Variants in LRRC4C observed in about 807,000 individuals in gnomAD.
LRRC4C encodes the protein leucine-rich repeat-containing protein 4C.
A neutral mutation model predicts 33.6 loss-of-function variants in LRRC4C; 5 were observed. The observed-to-expected ratio is 0.15, with a 90% CI of 0.08 to 0.31. The LOEUF is 0.31. LRRC4C is among the 10% of genes least tolerant of loss of function. The pLI is 1.00. For synonymous variants in LRRC4C, 329 were observed against 302.0 expected (o/e 1.09, Z -0.93); for missense variants, 560 against 796.7 (o/e 0.70, Z 3.58).
At chr11:40,733,136 C>A (rs1157192051) in intron 2 of LRRC4C, among the ~76,000 whole-genome samples, 1 of 116,672 alleles carries the variant, frequency 8.6e-6, no homozygotes, top group African/African-American at 3.3e-5. Flanking sequence ...AGTAGCGTGG[C>A]GAGATCTCGG....
chr11:40,161,235 T>C (rs963959572), intron 5 of LRRC4C, among the ~76,000 whole-genome samples: 2 of 152,198 alleles, frequency 1.3e-5, no homozygotes, highest in African/African-American at 2.4e-5. Flanking sequence ...AGAACCCCTC[T>C]CAAATATTAA....
chr11:40,688,556 A>G (rs548947831), intron 2 of LRRC4C, among the ~76,000 whole-genome samples: 52 of 152,232 alleles, frequency 3.4e-4, no homozygotes, highest in South Asian at 6.2e-4. Flanking sequence ...AGAGCAGGGC[A>G]TCAGATAAGG....
intron 3 of LRRC4C, among the ~76,000 whole-genome samples, chr11:40,645,683 C>T (rs1356026197): frequency 6.6e-6 from 1 of 152,176 alleles, no homozygotes; most frequent in Non-Finnish European, 1.5e-5. Context: ...GTGATTCCAG[C>T]TTTGCCTGTG....
At chr11:40,791,794 GA>G (rs1950631867) in intron 2 of LRRC4C, among the ~76,000 whole-genome samples, 1 of 152,072 alleles carries the variant, frequency 6.6e-6, no homozygotes, top group African/African-American at 2.4e-5. Context: ...ACAGAGAATG[GA>G]TCAGGTTCAG....
chr11:41,280,780 G>A (rs1323981235), intron 1 of LRRC4C, among the ~76,000 whole-genome samples: 1 of 152,014 alleles, frequency 6.6e-6, no homozygotes, highest in Non-Finnish European at 1.5e-5. Flanking sequence ...TTGAACTTGA[G>A]CATGAGAAAA....
intron 3 of LRRC4C, among the ~76,000 whole-genome samples, chr11:40,526,039 G>A (rs1038910212): frequency 5.9e-5 from 9 of 151,322 alleles, no homozygotes; most frequent in African/African-American, 2.2e-4. Context: ...CCATATGAAA[G>A]AAAACATTCC....
chr11:41,110,547 C>T (rs1479262343), intron 1 of LRRC4C, among the ~76,000 whole-genome samples: 2 of 152,056 alleles, frequency 1.3e-5, no homozygotes, highest in African/African-American at 2.4e-5. Flanking sequence ...TGTTTACCAT[C>T]GCAGGCATAC....
intron 2 of LRRC4C, among the ~76,000 whole-genome samples, chr11:40,849,798 T>C (rs1318150788): frequency 6.6e-6 from 1 of 151,980 alleles, no homozygotes; most frequent in African/African-American, 2.4e-5. Context: ...TTGATCATTT[T>C]ACATAATCCC....
At chr11:40,281,729 A>C (rs1313509936) in intron 4 of LRRC4C, among the ~76,000 whole-genome samples, 1 of 152,166 alleles carries the variant, frequency 6.6e-6, no homozygotes, top group African/African-American at 2.4e-5. Flanking sequence ...GGACAATAAG[A>C]TGTCTTTTAA....
chr11:40,414,640 T>C (rs1489632014), intron 3 of LRRC4C, among the ~76,000 whole-genome samples: 1 of 152,114 alleles, frequency 6.6e-6, no homozygotes, highest in African/African-American at 2.4e-5. Flanking sequence ...CTGTTCTTTT[T>C]CTTTGTGTGG....
intron 3 of LRRC4C, among the ~76,000 whole-genome samples, chr11:40,455,052 T>C (rs952081989): frequency 2.2e-4 from 34 of 152,136 alleles, no homozygotes; most frequent in African/African-American, 8.2e-4. Flanking sequence ...CTGTCATGTA[T>C]GTCACAACAA....
At chr11:41,412,603 C>G (rs1954531897) in intron 1 of LRRC4C, among the ~76,000 whole-genome samples, 1 of 152,156 alleles carries the variant, frequency 6.6e-6, no homozygotes, top group East Asian at 1.9e-4. Flanking sequence ...TTGCAACTTG[C>G]CTACAAATCA....
rs563039994 is a variant in LRRC4C, at chr11:40,659,022, C to G, written c.-406-10744G>C. On this transcript the variant is annotated intron_variant, in intron 2 of 6. Coordinates refer to ENST00000528697, the MANE Select transcript of LRRC4C (RefSeq NM_001258419.2). The stretch of plus-strand genomic sequence containing the variant: ...GGGAGCCCCATGTTCCCTGGCACAG[C>G]TGCAGCCACCCAGAAATGGCTCTGG... Among the ~76,000 whole-genome samples, 137 of 152,326 alleles carry G rather than the reference C, an allele frequency of 9.0e-4. 2 individuals are homozygous for G. The highest frequency in any genetic ancestry group is 1.8e-3 in the Non-Finnish European group (122 of 68,030).
At chr11:40,478,204 G>A (rs1469748652) in intron 3 of LRRC4C, among the ~76,000 whole-genome samples, 1 of 152,084 alleles carries the variant, frequency 6.6e-6, no homozygotes, top group Admixed American at 6.6e-5. Context: ...AAAAGTCACT[G>A]GTTCTCTTAT....
intron 2 of LRRC4C, among the ~76,000 whole-genome samples, chr11:40,917,086 G>A (rs768433917): frequency 2.0e-5 from 3 of 152,086 alleles, no homozygotes; most frequent in Non-Finnish European, 4.4e-5. Context: ...GCTTTGAGAT[G>A]TTTCCCAGGA....
chr11:40,618,664 CT>C (rs1308030273), intron 3 of LRRC4C, among the ~76,000 whole-genome samples: 1 of 151,736 alleles, frequency 6.6e-6, no homozygotes, highest in Non-Finnish European at 1.5e-5. Flanking sequence ...GCTCATGAGC[CT>C]GCCATGCTAT....
chr11:40,708,197 T>TA (rs1245477667), intron 2 of LRRC4C, among the ~76,000 whole-genome samples: 5 of 152,176 alleles, frequency 3.3e-5, no homozygotes, highest in East Asian at 1.9e-4. Context: ...GGGTTTTTTT[T>TA]ATGTCTCTAT....
chr11:41,320,292 G>A (rs572146952), intron 1 of LRRC4C, among the ~76,000 whole-genome samples: 8 of 152,282 alleles, frequency 5.3e-5, no homozygotes, highest in South Asian at 4.1e-4. Flanking sequence ...TGATTTAGCC[G>A]ATGGTAATCC....
chr11:41,124,808 T>C (rs117260168), intron 1 of LRRC4C, among the ~76,000 whole-genome samples: 3,788 of 152,280 alleles, frequency 0.025, 60 homozygotes, highest in Non-Finnish European at 0.04. Flanking sequence ...GTCCATTCTT[T>C]AGGAGCCAGA....
Sources: gnomAD v4.1 joint callset for allele counts (sites outside exome capture counted in the v4.1 genomes callset) on GRCh38, gnomAD v4.1.1 for gene constraint, MANE v1.5 for transcripts, NCBI Gene and HGNC (gene_info 2026-07-23, HGNC 2026-07-21) for gene names.